Variants in TUSC3 observed in about 807,000 individuals in gnomAD.
The protein encoded by TUSC3 is tumor suppressor candidate 3.
TUSC3 carries 45 observed loss-of-function variants against 44.8 expected under a neutral mutation model. That is an observed-to-expected ratio of 1.00 (90% CI 0.79 to 1.29). The LOEUF is 1.29. Among genes scored for constraint, TUSC3 ranks in the 50% most tolerant of loss-of-function variants. The probability of loss-of-function intolerance (pLI) is 0.00; values close to 1 mark genes in which losing one functional copy is unlikely to be tolerated. For missense variants in TUSC3, 519 were observed against 437.9 expected, an observed-to-expected ratio of 1.19 and a Z score of -1.65; for synonymous variants, 212 against 152.9, an observed-to-expected ratio of 1.39 and a Z score of -2.85.
the TUSC3 span, among the ~76,000 whole-genome samples, chr8:15,792,981 C>A: frequency 1.3e-5 from 2 of 152,232 alleles, no homozygotes; most frequent in South Asian, 4.2e-4. Context: ...CGCCTACCTC[C>A]TGTTTCTCTG....
intron 1 of TUSC3, among the ~76,000 whole-genome samples, chr8:15,571,253 C>A (rs1005235368): frequency 6.6e-6 from 1 of 151,922 alleles, no homozygotes; most frequent in South Asian, 2.1e-4. Context: ...TGCTACCCAC[C>A]GCTATTAATT....
intron 1 of TUSC3, among the ~76,000 whole-genome samples, chr8:15,450,793 G>A (rs1800188028): frequency 6.6e-6 from 1 of 152,188 alleles, no homozygotes; most frequent in Non-Finnish European, 1.5e-5. Context: ...ACAGATGTTG[G>A]CTTACTGTTT....
intron 7 of TUSC3, among the ~76,000 whole-genome samples, chr8:15,736,754 G>T (rs2129211011): frequency 6.6e-6 from 1 of 152,138 alleles, no homozygotes; most frequent in Non-Finnish European, 1.5e-5. Flanking sequence ...AGTCCAGGAG[G>T]GGCAGAACTA....
chr8:15,627,772 A>G (rs1805582063), intron 2 of TUSC3, among the ~76,000 whole-genome samples: 1 of 152,240 alleles, frequency 6.6e-6, no homozygotes. Flanking sequence ...TGCTCTAGCC[A>G]GCATGCCTGG....
chr8:15,669,184 TA>T (rs1410526037), intron 5 of TUSC3, among the ~76,000 whole-genome samples: 1 of 151,786 alleles, frequency 6.6e-6, no homozygotes, highest in Non-Finnish European at 1.5e-5. Flanking sequence ...TGAACAACTT[TA>T]AACCAGCAAA....
chr8:15,851,061 A>G, the TUSC3 span, among the ~76,000 whole-genome samples: 2 of 152,204 alleles, frequency 1.3e-5, no homozygotes, highest in African/African-American at 2.4e-5. Flanking sequence ...TAACGTGTCT[A>G]AGTCAATGGA....
chr8:15,565,445 G>A (rs1802630124), intron 1 of TUSC3, among the ~76,000 whole-genome samples: 1 of 152,062 alleles, frequency 6.6e-6, no homozygotes, highest in African/African-American at 2.4e-5. Flanking sequence ...CATCTTTGGT[G>A]GGTTGGGAAG....
At chr8:15,685,185 G>T (rs1383669817) in intron 6 of TUSC3, among the ~76,000 whole-genome samples, 1 of 152,164 alleles carries the variant, frequency 6.6e-6, no homozygotes, top group Non-Finnish European at 1.5e-5. Flanking sequence ...TGCCGGTTCA[G>T]AGGTCTTTGG....
At chr8:15,820,771 G>A in the TUSC3 span, among the ~76,000 whole-genome samples, 2 of 152,078 alleles carry the variant, frequency 1.3e-5, no homozygotes, top group South Asian at 2.1e-4. Context: ...ATTGAAACTA[G>A]CTACCTTGGA....
the TUSC3 span, among the ~76,000 whole-genome samples, chr8:15,821,676 C>A: frequency 6.6e-6 from 1 of 151,974 alleles, no homozygotes; most frequent in African/African-American, 2.4e-5. Context: ...AAGCAAACAC[C>A]CTAAGCCAGG....
At chr8:15,454,629 C>A (rs972414650) in intron 1 of TUSC3, among the ~76,000 whole-genome samples, 1 of 152,122 alleles carries the variant, frequency 6.6e-6, no homozygotes, top group Non-Finnish European at 1.5e-5. Flanking sequence ...TTTATAGTTC[C>A]CCTTGACTTG....
At chr8:15,844,816 C>A in the TUSC3 span, among the ~76,000 whole-genome samples, 1,354 of 152,174 alleles carry the variant, frequency 8.9e-3, 27 homozygotes, top group African/African-American at 0.031. Context: ...TATTTTAAAG[C>A]CTATCTACTC....
chr8:15,672,930 T>C (rs1217609212), intron 5 of TUSC3, among the ~76,000 whole-genome samples: 1 of 152,038 alleles, frequency 6.6e-6, no homozygotes, highest in African/African-American at 2.4e-5. Context: ...TAAGGAGTGA[T>C]TGGGCAAGTT....
the TUSC3 span, among the ~76,000 whole-genome samples, chr8:15,842,674 G>A: frequency 1.3e-5 from 2 of 152,134 alleles, no homozygotes; most frequent in South Asian, 2.1e-4. Context: ...AACAGCTACC[G>A]TTCCTGCTTC....
the TUSC3 span, among the ~76,000 whole-genome samples, chr8:15,835,604 T>C: frequency 6.6e-6 from 1 of 152,170 alleles, no homozygotes; most frequent in Non-Finnish European, 1.5e-5. Flanking sequence ...TTTTATTTTA[T>C]TGTAACCAGA....
At chr8:15,615,748 TGCC>T (rs1291197057) in intron 1 of TUSC3, among the ~76,000 whole-genome samples, 2 of 152,176 alleles carry the variant, frequency 1.3e-5, no homozygotes, top group Non-Finnish European at 2.9e-5. Flanking sequence ...GTATAATTAT[TGCC>T]TGTCAACTGA....
chr8:15,721,784 A>T (rs1810313250), intron 6 of TUSC3, among the ~76,000 whole-genome samples: 1 of 152,072 alleles, frequency 6.6e-6, no homozygotes, highest in East Asian at 1.9e-4. Context: ...CACAGGACAG[A>T]CTTTTTAAAG....
chr8:15,834,982 G>A, the TUSC3 span, among the ~76,000 whole-genome samples: 6 of 152,338 alleles, frequency 3.9e-5, no homozygotes, highest in East Asian at 3.9e-4. Flanking sequence ...CAAGGGTCAT[G>A]TAACCAATCC....
chr8:15,566,158 G>A (rs1333478791), intron 1 of TUSC3, among the ~76,000 whole-genome samples: 1 of 152,056 alleles, frequency 6.6e-6, no homozygotes, highest in Non-Finnish European at 1.5e-5. Flanking sequence ...ATCAGAAGAT[G>A]CTACAGTTTC....
Sources: gnomAD v4.1 joint callset for allele counts (sites outside exome capture counted in the v4.1 genomes callset) on GRCh38, gnomAD v4.1.1 for gene constraint, MANE v1.5 for transcripts, NCBI Gene and HGNC (gene_info 2026-07-23, HGNC 2026-07-21) for gene names.